The following PLXDC2 variants were observed in gnomAD, a reference collection of about 807,000 sequenced individuals.
The protein encoded by PLXDC2 is plexin domain-containing protein 2.
In PLXDC2, 40 loss-of-function variants were observed where a neutral mutation model predicts 68.9. That is an observed-to-expected ratio of 0.58 (90% CI 0.45 to 0.76). The LOEUF (loss-of-function observed/expected upper bound fraction) is 0.76, where lower values mean the gene tolerates loss of function less well. Ranked by LOEUF, PLXDC2 falls within the 30% of genes least tolerant of loss-of-function variation. The probability of loss-of-function intolerance (pLI) is 0.00; values close to 1 mark genes in which losing one functional copy is unlikely to be tolerated. For synonymous variants in PLXDC2, 243 were observed against 234.2 expected (o/e 1.04, Z -0.34); for missense variants, 644 against 661.9 (o/e 0.97, Z 0.30).
intron 1 of PLXDC2, among the ~76,000 whole-genome samples, chr10:19,979,918 A>G (rs1359329929): frequency 6.6e-6 from 1 of 152,118 alleles, no homozygotes; most frequent in Non-Finnish European, 1.5e-5. Context: ...CATTCTGTTC[A>G]TTTTCCTAAT....
intron 2 of PLXDC2, among the ~76,000 whole-genome samples, chr10:20,046,330 C>T (rs1209051156): frequency 6.6e-6 from 1 of 152,050 alleles, no homozygotes; most frequent in Non-Finnish European, 1.5e-5. Context: ...CACACAAACA[C>T]ACACACACAT....
In PLXDC2 at chr10:20,245,364, A is replaced by G. The variant is rs1835578654; in HGVS notation, c.1332A>G (p.Ala444=). ...TTTCAGCTTCTACAGATGACAGTGC[A>G]GCTGAGAAGAAAGGGGGAACCCTCC... ...KDNGASTDDS[A]AEKKGGTLHA... The change falls in exon 13 of 14, where the codon GCA becomes GCG. Residue 444 remains alanine (A), a synonymous_variant. Transcript: ENST00000377252. The G allele has an allele frequency of 6.2e-7, 1 of 1,613,274 alleles. No homozygotes were observed. The highest frequency in any genetic ancestry group is 8.5e-7 in the Non-Finnish European group (1 of 1,179,568).
At chr10:20,195,400 A>G (rs1018706527) in intron 9 of PLXDC2, among the ~76,000 whole-genome samples, 4 of 152,148 alleles carry the variant, frequency 2.6e-5, no homozygotes, top group African/African-American at 9.6e-5. Context: ...CCGTGATTAG[A>G]AATACTTTGT....
intron 1 of PLXDC2, among the ~76,000 whole-genome samples, chr10:19,962,498 C>G (rs2131603870): frequency 6.9e-6 from 1 of 144,768 alleles, no homozygotes; most frequent in Non-Finnish European, 1.5e-5. Context: ...TCACGCCATT[C>G]TCCCGCCTCA....
intron 4 of PLXDC2, among the ~76,000 whole-genome samples, chr10:20,094,804 CT>C (rs1833326628): frequency 6.6e-6 from 1 of 152,140 alleles, no homozygotes; most frequent in Non-Finnish European, 1.5e-5. Context: ...ATGTGGAAGA[CT>C]TTTTCCTCTG....
intron 1 of PLXDC2, among the ~76,000 whole-genome samples, chr10:19,960,548 C>T (rs965458910): frequency 6.6e-6 from 1 of 152,106 alleles, no homozygotes; most frequent in African/African-American, 2.4e-5. Flanking sequence ...ATTCTGTCCT[C>T]TACCCTCTTT....
chr10:19,900,202 G>A (rs1838134122), intron 1 of PLXDC2, among the ~76,000 whole-genome samples: 1 of 152,120 alleles, frequency 6.6e-6, no homozygotes, highest in Admixed American at 6.6e-5. Context: ...TAAGATTGAA[G>A]TACAAATAGA....
intron 1 of PLXDC2, among the ~76,000 whole-genome samples, chr10:19,849,279 G>A (rs17677605): frequency 0.19 from 29,068 of 151,576 alleles, 3,167 homozygotes; most frequent in Non-Finnish European, 0.25. Context: ...TATAAACTAC[G>A]ATCTGTATAT....
intron 4 of PLXDC2, among the ~76,000 whole-genome samples, chr10:20,099,086 AAAT>A (rs769083151): frequency 5.3e-5 from 8 of 152,226 alleles, no homozygotes; most frequent in East Asian, 1.9e-4. Flanking sequence ...AAAATATAGA[AAAT>A]AATAATAATA....
intron 7 of PLXDC2, among the ~76,000 whole-genome samples, chr10:20,167,147 G>A (rs1834386556): frequency 6.6e-6 from 1 of 152,146 alleles, no homozygotes; most frequent in African/African-American, 2.4e-5. Context: ...GCTGTTAGAT[G>A]CGACTATATT....
chr10:19,857,502 T>G (rs1837237317), intron 1 of PLXDC2, among the ~76,000 whole-genome samples: 1 of 152,216 alleles, frequency 6.6e-6, no homozygotes, highest in Admixed American at 6.5e-5. Context: ...TAAATATTCT[T>G]CTCATCAATT....
chr10:19,870,366 G>A (rs920718509), intron 1 of PLXDC2, among the ~76,000 whole-genome samples: 4 of 152,080 alleles, frequency 2.6e-5, no homozygotes, highest in African/African-American at 7.2e-5. Flanking sequence ...AAATGCAAAT[G>A]CTTTTATCGT....
intron 1 of PLXDC2, among the ~76,000 whole-genome samples, chr10:19,936,089 A>C (rs1382797513): frequency 6.6e-6 from 1 of 152,210 alleles, no homozygotes; most frequent in East Asian, 1.9e-4. Context: ...TTTTTAACAA[A>C]ATTTTTATTG....
intron 13 of PLXDC2, among the ~76,000 whole-genome samples, chr10:20,255,528 A>G (rs1835732159): frequency 6.6e-6 from 1 of 152,166 alleles, no homozygotes; most frequent in African/African-American, 2.4e-5. Context: ...TTTAGCAATA[A>G]TTAGTGCTTC....
In PLXDC2 at chr10:19,973,222, G is replaced by A. The variant is rs529510591; in HGVS notation, c.113-28553G>A. On this transcript the variant is annotated intron_variant, in intron 1 of 13. Transcript: ENST00000377252. ...TTGATTAACTTTCTTCAAGATCTGC[G>A]TATATATATGTATATACACACATAT... Among the ~76,000 whole-genome samples the A allele has an allele frequency of 1.4e-3, 204 of 148,478 alleles. 1 individual carries two copies. Among genetic ancestry groups the A allele is most frequent in the African/African-American group, 3.9e-3 (158 of 40,438 alleles).
At chr10:19,893,045 C>T (rs922489166) in intron 1 of PLXDC2, among the ~76,000 whole-genome samples, 8 of 151,598 alleles carry the variant, frequency 5.3e-5, no homozygotes, top group African/African-American at 1.2e-4. Flanking sequence ...ATCCTTAGGG[C>T]GTGGCTCTGA....
chr10:19,974,643 C>T (rs1355615359), intron 1 of PLXDC2, among the ~76,000 whole-genome samples: 1 of 152,188 alleles, frequency 6.6e-6, no homozygotes, highest in Non-Finnish European at 1.5e-5. Context: ...GTGGTCTTCT[C>T]ACAGTTAGCT....
At chr10:19,938,556 A>G (rs752249304) in intron 1 of PLXDC2, among the ~76,000 whole-genome samples, 1 of 152,048 alleles carries the variant, frequency 6.6e-6, no homozygotes, top group Non-Finnish European at 1.5e-5. Context: ...ACTAGAACTC[A>G]CTCACCATCA....
intron 1 of PLXDC2, among the ~76,000 whole-genome samples, chr10:19,920,229 G>C (rs953623500): frequency 2.0e-5 from 3 of 152,168 alleles, no homozygotes; most frequent in Admixed American, 6.5e-5. Context: ...CGGGTGGTGG[G>C]GTAGGGGGAA....
Sources: allele counts gnomAD v4.1 joint callset (sites outside exome capture counted in the v4.1 genomes callset), GRCh38; gene constraint gnomAD v4.1.1; transcripts MANE v1.5; gene names NCBI Gene and HGNC (gene_info 2026-07-23, HGNC 2026-07-21).